The following ELAPOR2 variants were observed in gnomAD, a reference collection of about 807,000 sequenced individuals.
The protein encoded by ELAPOR2 is endosome/lysosome-associated apoptosis and autophagy regulator family member 2.
A neutral mutation model predicts 120.7 loss-of-function variants in ELAPOR2; 89 were observed. The ratio of observed to expected loss-of-function variants is 0.74; its 90% confidence interval spans 0.62 to 0.88. The LOEUF is 0.88. ELAPOR2 is among the 40% of genes least tolerant of loss of function. The pLI, the probability that ELAPOR2 is intolerant of heterozygous loss-of-function variation, is 0.00. For synonymous variants in ELAPOR2, 444 were observed against 444.9 expected, an observed-to-expected ratio of 1.00 and a Z score of 0.03; for missense variants, 1,134 against 1,251.6, an observed-to-expected ratio of 0.91 and a Z score of 1.42.
chr7:86,979,417 G>A (rs1034913792), intron 1 of ELAPOR2, among the ~76,000 whole-genome samples: 5 of 152,132 alleles, frequency 3.3e-5, no homozygotes, highest in African/African-American at 9.7e-5. Context: ...AAGCTTTTAG[G>A]GGTATTTATA....
intron 1 of ELAPOR2, among the ~76,000 whole-genome samples, chr7:87,023,189 T>C (rs1794120911): frequency 6.6e-6 from 1 of 152,264 alleles, no homozygotes; most frequent in Non-Finnish European, 1.5e-5. Context: ...AGGGTTTGTA[T>C]GGTTTTAGGT....
At chr7:87,046,019 T>G (rs1180784193) in intron 1 of ELAPOR2, among the ~76,000 whole-genome samples, 3 of 152,036 alleles carry the variant, frequency 2.0e-5, no homozygotes, top group Non-Finnish European at 4.4e-5. Context: ...CAAGTTATCC[T>G]TGTTTGCAGA....
chr7:86,900,600 G>T (rs778743941), intron 18 of ELAPOR2, among the ~76,000 whole-genome samples: 26 of 152,148 alleles, frequency 1.7e-4, no homozygotes, highest in Non-Finnish European at 3.1e-4. Flanking sequence ...ACACTATAGT[G>T]CCTTTCCTTG....
rs950505205 is a variant in ELAPOR2 at position 86,878,039 on chromosome 7, A to C, written c.*2432T>G. ...ACGAGTGCTAAGAGATGTTATAGGCAACAGTTGACTTAATGAAGTAGTTAA... is the reference window on the plus strand; with the variant it reads ...ACGAGTGCTAAGAGATGTTATAGGCCACAGTTGACTTAATGAAGTAGTTAA... On this transcript the variant is annotated 3_prime_UTR_variant, in exon 22 of 22. Transcript: ENST00000450689. The C allele has an allele frequency of 1.3e-5, 2 of 152,216 alleles. No homozygotes were observed. The highest frequency in any genetic ancestry group is 4.8e-5 in the African/African-American group (2 of 41,462). 9.4% of individuals were successfully genotyped at this position (152,216 alleles called of 1,614,324 possible).
At chr7:87,020,496 A>G (rs1794003648) in intron 1 of ELAPOR2, among the ~76,000 whole-genome samples, 1 of 152,110 alleles carries the variant, frequency 6.6e-6, no homozygotes, top group African/African-American at 2.4e-5. Flanking sequence ...AAAATACTAT[A>G]TTGTCAAAAA....
intron 1 of ELAPOR2, among the ~76,000 whole-genome samples, chr7:87,008,760 G>A (rs967086077): frequency 6.6e-6 from 1 of 152,180 alleles, no homozygotes; most frequent in African/African-American, 2.4e-5. Context: ...CTCTCAAATA[G>A]TTCAAACAAT....
At chr7:86,895,554 CAAA>C (rs1421202312) in intron 19 of ELAPOR2, among the ~76,000 whole-genome samples, 1 of 151,926 alleles carries the variant, frequency 6.6e-6, no homozygotes, top group East Asian at 1.9e-4. Flanking sequence ...CAAAGTGATC[CAAA>C]AAGTATCATT....
At chr7:87,041,196 G>A (rs1161334006) in intron 1 of ELAPOR2, among the ~76,000 whole-genome samples, 562 of 151,134 alleles carry the variant, frequency 3.7e-3, no homozygotes, top group African/African-American at 0.013. Flanking sequence ...GTTGCAGGAT[G>A]TTATCCAGGA....
At chr7:87,033,545 C>T (rs949923675) in intron 1 of ELAPOR2, among the ~76,000 whole-genome samples, 1 of 151,902 alleles carries the variant, frequency 6.6e-6, no homozygotes, top group Non-Finnish European at 1.5e-5. Flanking sequence ...ATACAGAATG[C>T]CTCAATAAAT....
Position 86,912,184 on chromosome 7 carries a change from T to C in ELAPOR2, c.2057A>G (p.His686Arg), listed in dbSNP as rs759985922. Reference sequence around the variant, plus strand: ...ACTGCTGAGGTTGCTAAAGTCATAGTGCAAACTCTGATTTTCTTTTTCATG... The same window carrying C: ...ACTGCTGAGGTTGCTAAAGTCATAGCGCAAACTCTGATTTTCTTTTTCATG... ...FYHEKENQSL[H>R]YDFSNLSSVG... Residue 686 changes from histidine to arginine, a missense_variant, in exon 15 of 22, where the codon CAC becomes CGC. Physicochemically the swap from His to Arg is conservative, Grantham distance 29. Around this residue, in one of 3 missense-constraint regions of ELAPOR2, gnomAD observed 831 missense variants for 867.6 expected, o/e 0.96. Transcript: ENST00000450689. 1.1e-5 allele frequency: 17 copies of C among 1,610,390 alleles called. No individual in the cohort carries two copies. Among genetic ancestry groups the C allele is most frequent in the Middle Eastern group, 1.7e-4 (1 of 6,042 alleles).
chr7:87,055,008 G>A (rs1035191311), intron 1 of ELAPOR2, among the ~76,000 whole-genome samples: 6 of 152,064 alleles, frequency 3.9e-5, no homozygotes, highest in African/African-American at 1.2e-4. Flanking sequence ...TTTCATGTAG[G>A]TAAAACCCAA....
chr7:86,905,637 G>GA (rs546402496), intron 18 of ELAPOR2, among the ~76,000 whole-genome samples: 76 of 144,884 alleles, frequency 5.2e-4, no homozygotes, highest in African/African-American at 1.3e-3. Context: ...ATCTGTCTCA[G>GA]AAAAAAAAAA....
At chr7:87,035,592 A>C (rs916185214) in intron 1 of ELAPOR2, among the ~76,000 whole-genome samples, 1 of 152,148 alleles carries the variant, frequency 6.6e-6, no homozygotes, top group Non-Finnish European at 1.5e-5. Context: ...TCTCAAGCCA[A>C]TGTCACCCTT....
At chr7:86,950,427 A>C (rs1791197168) in intron 2 of ELAPOR2, among the ~76,000 whole-genome samples, 1 of 152,122 alleles carries the variant, frequency 6.6e-6, no homozygotes, top group African/African-American at 2.4e-5. Context: ...GAAGCTCCCC[A>C]AGTCAAGGCT....
At chr7:86,924,585 T>C (rs898140824) in intron 10 of ELAPOR2, among the ~76,000 whole-genome samples, 2 of 152,046 alleles carry the variant, frequency 1.3e-5, no homozygotes, top group Admixed American at 6.6e-5. Context: ...GAGGATTTTT[T>C]AAGTGGGATT....
chr7:87,032,557 G>T (rs1246947507), intron 1 of ELAPOR2, among the ~76,000 whole-genome samples: 1 of 152,110 alleles, frequency 6.6e-6, no homozygotes, highest in Non-Finnish European at 1.5e-5. Flanking sequence ...GATGACATCA[G>T]ACTAACAAAT....
chr7:87,037,090 G>C (rs978285038), intron 1 of ELAPOR2, among the ~76,000 whole-genome samples: 2 of 151,870 alleles, frequency 1.3e-5, no homozygotes, highest in Admixed American at 6.6e-5. Flanking sequence ...ATCCTCAAAT[G>C]CTTCTCACTC....
Position 86,947,896 on chromosome 7 carries a change from G to C in ELAPOR2, c.337C>G (p.Leu113Val). 1.3e-6 allele frequency: 2 copies of C among 1,552,068 alleles called. No individual in the cohort carries two copies. Among genetic ancestry groups the C allele is most frequent in the Non-Finnish European group, 1.7e-6 (2 of 1,147,054 alleles). ...CTFSCASGEY[L>V]EMKNQVCSKC... ...CTGCATACCTGGTTCTTCATTTCTA[G>C]ATACTCTCCAGAAGCACAGGAGAAA... Residue 113 changes from leucine (L) to valine (V), a missense_variant, in exon 3 of 22, where the codon CTA (leucine) becomes GTA (valine). Around this residue, in one of 3 missense-constraint regions of ELAPOR2, gnomAD observed 280 missense variants for 331.5 expected, o/e 0.84. Coordinates refer to ENST00000450689, the MANE Select transcript of ELAPOR2 (RefSeq NM_001142749.3).
chr7:87,028,795 C>A (rs1307274225), intron 1 of ELAPOR2, among the ~76,000 whole-genome samples: 1 of 152,114 alleles, frequency 6.6e-6, no homozygotes, highest in Non-Finnish European at 1.5e-5. Flanking sequence ...GTCTTTCACA[C>A]ACCCTAAAAG....
Sources: allele counts gnomAD v4.1 joint callset (sites outside exome capture counted in the v4.1 genomes callset), GRCh38; gene constraint gnomAD v4.1.1; regional missense constraint gnomAD v4.1.1; transcripts MANE v1.5; gene names NCBI Gene and HGNC (gene_info 2026-07-23, HGNC 2026-07-21).